CCDC15: variants seen among roughly 807,000 people sequenced by gnomAD.
The protein encoded by CCDC15 is coiled-coil domain containing 15, also known as coiled-coil domain-containing protein 15.
Under a neutral mutation model 114.5 loss-of-function variants are expected in CCDC15, and 105 were observed. The ratio of observed to expected loss-of-function variants is 0.92; its 90% CI spans 0.78 to 1.08. CCDC15 has a LOEUF of 1.08. Ranked by LOEUF, CCDC15 falls within the 50% of genes least tolerant of loss-of-function variation. CCDC15 has a pLI of 0.00. For synonymous variants in CCDC15, 334 were observed against 377.8 expected (o/e 0.88, Z 1.34); for missense variants, 1,105 against 1,093.6 (o/e 1.01, Z -0.15).
At chr11:124,994,157 T>C (rs997885233) in intron 11 of CCDC15, among the ~76,000 whole-genome samples, 1 of 152,202 alleles carries the variant, frequency 6.6e-6, no homozygotes, top group Admixed American at 6.5e-5. Context: ...TTAGAACTTA[T>C]ACATTAGGCA....
intron 4 of CCDC15, among the ~76,000 whole-genome samples, chr11:124,972,374 ATG>A (rs1565359102): frequency 6.6e-6 from 1 of 152,210 alleles, no homozygotes; most frequent in Non-Finnish European, 1.5e-5. Context: ...ATACATACAA[ATG>A]TATATATATA....
At position 124,987,469 on chromosome 11, in the gene CCDC15, A is replaced by G; in HGVS notation, c.1243A>G (p.Thr415Ala). 6.2e-7 allele frequency: 1 copy of G among 1,614,024 alleles called. No individual in the cohort carries two copies. Among genetic ancestry groups the G allele is most frequent in the South Asian group, 1.1e-5 (1 of 91,090 alleles). Residue 415 changes from threonine to alanine, a missense_variant, in exon 8 of 16, where the codon ACA (threonine) becomes GCA (alanine). Transcript: ENST00000344762. ...GTTGAAAACCCAGGATTTTCTACCC[A>G]CAAATCAGGCTCTTCTAACGAAAAA... ...IVLKTQDFLP[T>A]NQALLTKNQD...
intron 13 of CCDC15, among the ~76,000 whole-genome samples, chr11:125,023,956 G>C (rs1483440620): frequency 3.3e-5 from 5 of 151,960 alleles, no homozygotes; most frequent in African/African-American, 1.2e-4. Flanking sequence ...GGTTGCTAGG[G>C]CTAGAGGTGA....
At chr11:125,032,035 G>C (rs1340267319) in intron 13 of CCDC15, among the ~76,000 whole-genome samples, 2 of 152,222 alleles carry the variant, frequency 1.3e-5, no homozygotes, top group Admixed American at 6.5e-5. Context: ...TACTGAGGTA[G>C]AAGTTCCCTG....
intron 13 of CCDC15, among the ~76,000 whole-genome samples, chr11:125,027,421 T>C (rs949731586): frequency 6.6e-6 from 1 of 152,104 alleles, no homozygotes; most frequent in Non-Finnish European, 1.5e-5. Flanking sequence ...ATTTTTAAAT[T>C]ATGGCCATTC....
At chr11:125,019,138 A>G (rs1389671205) in intron 13 of CCDC15, among the ~76,000 whole-genome samples, 3 of 151,978 alleles carry the variant, frequency 2.0e-5, no homozygotes, top group African/African-American at 7.2e-5. Flanking sequence ...TCATGGGGAT[A>G]AGATGAAATG....
At chr11:125,022,350 TTA>T (rs1386794551) in intron 13 of CCDC15, among the ~76,000 whole-genome samples, 3 of 151,918 alleles carry the variant, frequency 2.0e-5, no homozygotes, top group Non-Finnish European at 2.9e-5. Flanking sequence ...TATTACAACT[TTA>T]TGTTGTTTTG....
chr11:125,032,603 T>C (rs1292406463), intron 13 of CCDC15, among the ~76,000 whole-genome samples: 2 of 152,200 alleles, frequency 1.3e-5, no homozygotes, highest in Non-Finnish European at 2.9e-5. Flanking sequence ...CCTCCAGGGA[T>C]GCAATATTGT....
chr11:124,982,919 C>T (rs1948095604), intron 6 of CCDC15, among the ~76,000 whole-genome samples: 1 of 152,170 alleles, frequency 6.6e-6, no homozygotes. Context: ...CTTTCCCTCT[C>T]AGGGATGCCA....
intron 4 of CCDC15, among the ~76,000 whole-genome samples, chr11:124,966,382 T>C (rs1447513847): frequency 6.6e-6 from 1 of 152,238 alleles, no homozygotes; most frequent in Non-Finnish European, 1.5e-5. Flanking sequence ...ATTGATCCTT[T>C]TACCGTTATG....
intron 4 of CCDC15, among the ~76,000 whole-genome samples, chr11:124,966,633 C>T (rs1472399090): frequency 6.6e-6 from 1 of 152,102 alleles, no homozygotes; most frequent in Non-Finnish European, 1.5e-5. Flanking sequence ...GGCATTTAGC[C>T]CATTTACATT....
At chr11:125,018,703 A>C (rs1483374908) in intron 13 of CCDC15, among the ~76,000 whole-genome samples, 1 of 152,132 alleles carries the variant, frequency 6.6e-6, no homozygotes, top group Non-Finnish European at 1.5e-5. Context: ...AAATGTGCTT[A>C]GTACAGAATC....
intron 13 of CCDC15, among the ~76,000 whole-genome samples, chr11:125,029,120 T>C (rs1948722508): frequency 6.6e-6 from 1 of 152,228 alleles, no homozygotes; most frequent in African/African-American, 2.4e-5. Context: ...GCTTATATTC[T>C]AGCCTTGCTG....
At chr11:125,009,789 A>G (rs1948576811) in intron 13 of CCDC15, among the ~76,000 whole-genome samples, 1 of 152,220 alleles carries the variant, frequency 6.6e-6, no homozygotes, top group Non-Finnish European at 1.5e-5. Flanking sequence ...TTCGCTTAGG[A>G]TAATGGCTTC....
intron 13 of CCDC15, among the ~76,000 whole-genome samples, chr11:125,036,321 G>T (rs1948773979): frequency 1.4e-5 from 1 of 69,336 alleles, no homozygotes. Flanking sequence ...GGCCTGCAAG[G>T]CTTCCACTGA....
At chr11:124,977,330 G>A (rs1565361797) in intron 5 of CCDC15, 148 bp from the exon 6 acceptor site, 2 of 551,758 alleles carry the variant, frequency 3.6e-6, no homozygotes, top group South Asian at 3.9e-5. Context: ...TACATATGAA[G>A]TAGAACTCAT....
intron 6 of CCDC15, among the ~76,000 whole-genome samples, chr11:124,978,008 C>T (rs943515761): frequency 6.6e-6 from 1 of 152,074 alleles, no homozygotes; most frequent in African/African-American, 2.4e-5. Context: ...CTCCTTTCAC[C>T]CTCCACCCTC....
At chr11:125,013,200 T>A (rs1488689034) in intron 13 of CCDC15, among the ~76,000 whole-genome samples, 1 of 152,136 alleles carries the variant, frequency 6.6e-6, no homozygotes, top group African/African-American at 2.4e-5. Flanking sequence ...GGTCAAGAAA[T>A]GCTTTATAGA....
Position 124,987,470 on chromosome 11 carries a change from C to A in CCDC15, c.1244C>A (p.Thr415Lys). Reference protein sequence around the residue: ...IVLKTQDFLPTNQALLTKNQD... With the variant: ...IVLKTQDFLPKNQALLTKNQD... ...TTGAAAACCCAGGATTTTCTACCCA[C>A]AAATCAGGCTCTTCTAACGAAAAAC... The change falls in exon 8 of 16, where the codon ACA becomes AAA. Residue 415 changes from threonine to lysine, a missense_variant. Transcript: ENST00000344762. 1 of 1,613,916 alleles carries A rather than the reference C, an allele frequency of 6.2e-7. No homozygotes were observed. The highest frequency in any genetic ancestry group is 8.5e-7 in the Non-Finnish European group (1 of 1,179,870).
Sources: gnomAD v4.1 joint callset for allele counts (sites outside exome capture counted in the v4.1 genomes callset) on GRCh38, gnomAD v4.1.1 for gene constraint, MANE v1.5 for transcripts, NCBI Gene and HGNC (gene_info 2026-07-23, HGNC 2026-07-21) for gene names.